Variants in GDA observed in about 807,000 individuals in gnomAD.
The protein encoded by GDA is cytoplasmic PSD-95 interactor.
A neutral mutation model predicts 59.6 loss-of-function variants in GDA; 18 were observed. The observed-to-expected ratio is 0.30, with a 90% CI of 0.21 to 0.45. The LOEUF is 0.45. Ranked by LOEUF, GDA falls within the 20% of genes least tolerant of loss-of-function variation. The pLI is 1.00. For synonymous variants in GDA, 201 were observed against 201.1 expected, an observed-to-expected ratio of 1.00 and a Z score of 0.00; for missense variants, 427 against 552.3, an observed-to-expected ratio of 0.77 and a Z score of 2.27.
At position 72,248,466 on chromosome 9, in the gene GDA, T is replaced by C; in HGVS notation, c.*124T>C. ...CTTGGGATGACTATCCCTTTCTGTG[T>C]CTAGTTACAGTATTCACTTGACAAA... On this transcript the variant is annotated 3_prime_UTR_variant, in exon 14 of 14. Transcript: ENST00000358399. The C allele has an allele frequency of 6.6e-7, 1 of 1,511,122 alleles. No individual in the cohort carries two copies. Among genetic ancestry groups the C allele is most frequent in the Non-Finnish European group, 8.9e-7 (1 of 1,128,986 alleles). The allele number at this position is 1,511,122 out of a possible 1,614,324, so 93.6% of individuals were successfully genotyped here. A position where few individuals can be genotyped will look rare whatever the true frequency, so the allele number is the denominator to read the frequency against.
At chr9:72,216,023 T>C (rs1350640856) in intron 5 of GDA, among the ~76,000 whole-genome samples, 2 of 152,172 alleles carry the variant, frequency 1.3e-5, no homozygotes, top group South Asian at 2.1e-4. Flanking sequence ...AGCACACTTA[T>C]ACAACAAGTT....
At chr9:72,201,174 G>T (rs1029111356) in intron 2 of GDA, among the ~76,000 whole-genome samples, 1 of 150,462 alleles carries the variant, frequency 6.6e-6, no homozygotes, top group Non-Finnish European at 1.5e-5. Flanking sequence ...TTACATAAGG[G>T]GAAACTGAGT....
At chr9:72,214,605 T>C (rs1471980448) in intron 5 of GDA, among the ~76,000 whole-genome samples, 1 of 152,116 alleles carries the variant, frequency 6.6e-6, no homozygotes, top group Non-Finnish European at 1.5e-5. Flanking sequence ...ACATCTGTCT[T>C]TTATGATAAG....
At position 72,210,689 on chromosome 9, in the gene GDA, G is replaced by A. The variant is rs745926375; in HGVS notation, c.387G>A (p.Arg129=). The change falls in exon 4 of 14, where the codon AGG becomes AGA. Residue 129 remains arginine, a splice_region_variant and synonymous_variant. Coordinates refer to ENST00000358399, the MANE Select transcript of GDA (RefSeq NM_004293.5). Reference sequence around the variant, plus strand: ...CGGTTTTTGTGATTTATTTTTAGAGGAGAACACTAAAGAATGGAACAACCA... The same window carrying A: ...CGGTTTTTGTGATTTATTTTTAGAGAAGAACACTAAAGAATGGAACAACCA... The part of the protein sequence containing the change: ...FAEEVYTRVV[R]RTLKNGTTTA... The A allele has an allele frequency of 6.3e-7, 1 of 1,581,894 alleles. No individual in the cohort carries two copies. Among genetic ancestry groups the A allele is most frequent in the Non-Finnish European group, 8.7e-7 (1 of 1,150,892 alleles).
chr9:72,219,393 ACT>A (rs957858190), intron 5 of GDA, 84 bp from the exon 6 acceptor site: 24 of 963,932 alleles, frequency 2.5e-5, no homozygotes, highest in Admixed American at 4.2e-5. Context: ...ACAGAGCCAG[ACT>A]CTGTCTGAAG....
At chr9:72,163,994 T>G (rs1828979033) in intron 1 of GDA, among the ~76,000 whole-genome samples, 1 of 152,160 alleles carries the variant, frequency 6.6e-6, no homozygotes, top group African/African-American at 2.4e-5. Context: ...ATGACACATT[T>G]GTTGATTAAC....
At chr9:72,176,159 G>A (rs932638745) in intron 1 of GDA, among the ~76,000 whole-genome samples, 2 of 152,192 alleles carry the variant, frequency 1.3e-5, no homozygotes, top group Admixed American at 1.3e-4. Context: ...CACTTCTGAG[G>A]TTAAAGGTCA....
chr9:72,120,693 T>A (rs1825629237), intron 1 of GDA, among the ~76,000 whole-genome samples: 1 of 152,248 alleles, frequency 6.6e-6, no homozygotes, highest in Admixed American at 6.5e-5. Context: ...TTGATGCACA[T>A]GATCCAACTT....
chr9:72,122,825 G>T (rs1020870245), intron 1 of GDA, among the ~76,000 whole-genome samples: 34 of 152,106 alleles, frequency 2.2e-4, no homozygotes, highest in African/African-American at 8.0e-4. Context: ...TTTTGTAGTG[G>T]CCACCTTCCA....
chr9:72,219,624 G>T, intron 6 of GDA, 118 bp downstream of exon 6: 1 of 646,788 alleles, frequency 1.5e-6, no homozygotes, highest in Non-Finnish European at 2.7e-6. Context: ...GCATGTAGAA[G>T]TATTTACCTA....
At chr9:72,143,418 CA>C (rs1826514283) in intron 1 of GDA, among the ~76,000 whole-genome samples, 1 of 152,028 alleles carries the variant, frequency 6.6e-6, no homozygotes, top group South Asian at 2.1e-4. Flanking sequence ...CATGAGCCAC[CA>C]CACCCGGCCC....
chr9:72,189,494 T>C (rs1369209343), intron 1 of GDA, among the ~76,000 whole-genome samples: 1 of 152,102 alleles, frequency 6.6e-6, no homozygotes, highest in East Asian at 1.9e-4. Flanking sequence ...TCTGGACTTT[T>C]GAATTGATGC....
chr9:72,250,800 C>A lies in GDA; in HGVS notation c.*2458C>A, dbSNP rs747781923. The A allele has an allele frequency of 5.1e-5, 82 of 1,609,076 alleles. 1 individual carries two copies. The Middle Eastern group carries it at 8.2e-4, about 16-fold the overall frequency. On this transcript the variant is annotated 3_prime_UTR_variant, in exon 14 of 14. Coordinates refer to ENST00000358399, the MANE Select transcript of GDA (RefSeq NM_004293.5). ...TCCTCACCCCATCCTCCACCATTTC[C>A]TTAATGTTCCATGGTATTTTCAACG... is the stretch of plus-strand genomic sequence containing the variant.
At chr9:72,131,368 T>C (rs1003985209) in intron 1 of GDA, among the ~76,000 whole-genome samples, 2 of 152,152 alleles carry the variant, frequency 1.3e-5, no homozygotes, top group Non-Finnish European at 2.9e-5. Flanking sequence ...AGATTGCCCT[T>C]GCATTAGACC....
chr9:72,136,928 T>G (rs368566423), intron 1 of GDA, among the ~76,000 whole-genome samples: 2 of 152,016 alleles, frequency 1.3e-5, no homozygotes, highest in African/African-American at 4.8e-5. Flanking sequence ...TGAGTGGAGA[T>G]TGCGCCATTG....
In GDA at chr9:72,228,006, G is replaced by A; in HGVS notation, c.886G>A (p.Ala296Thr). ...EELNVFHERG[A>T]SIAHCPNSNL... ...ACTGAACGTATTCCATGAACGAGGA[G>A]CATCCATCGCACACTGTCCCAATTC... Residue 296 changes from alanine to threonine, a missense_variant, in exon 9 of 14, where the codon GCA becomes ACA. Ala to Thr is a moderately conservative substitution (Grantham distance 58). Coordinates refer to ENST00000358399, the MANE Select transcript of GDA (RefSeq NM_004293.5). 1.3e-6 allele frequency: 2 copies of A among 1,598,616 alleles called. No homozygotes were observed. The highest frequency in any genetic ancestry group is 3.3e-5 in the Admixed American group (2 of 59,868).
intron 6 of GDA, among the ~76,000 whole-genome samples, chr9:72,221,512 C>T (rs1457245159): frequency 6.6e-6 from 1 of 152,228 alleles, no homozygotes; most frequent in Non-Finnish European, 1.5e-5. Flanking sequence ...GTATGATATG[C>T]ATTTTGGGGT....
chr9:72,205,135 G>A (rs1834535597), intron 3 of GDA, among the ~76,000 whole-genome samples: 1 of 131,280 alleles, frequency 7.6e-6, no homozygotes, highest in Non-Finnish European at 1.6e-5. Context: ...AAAAAAAATT[G>A]CGGAGCACAT....
intron 2 of GDA, among the ~76,000 whole-genome samples, chr9:72,200,091 G>A (rs565987537): frequency 5.9e-4 from 86 of 144,986 alleles, no homozygotes; most frequent in African/African-American, 2.1e-3. Context: ...TCCGCCTCCC[G>A]TGTTCACGCC....
Sources: gnomAD v4.1 joint callset for allele counts (sites outside exome capture counted in the v4.1 genomes callset) on GRCh38, gnomAD v4.1.1 for gene constraint, MANE v1.5 for transcripts, NCBI Gene and HGNC (gene_info 2026-07-23, HGNC 2026-07-21) for gene names.